Variants in NTAQ1 observed in about 807,000 individuals in gnomAD.
NTAQ1 encodes the protein protein N-terminal glutamine amidohydrolase.
Under a neutral mutation model 28.2 loss-of-function variants are expected in NTAQ1, and 21 were observed. The ratio of observed to expected loss-of-function variants is 0.74; its 90% CI spans 0.53 to 1.07. NTAQ1 has a LOEUF of 1.07. Among genes scored for constraint, NTAQ1 ranks in the 50% least tolerant of loss-of-function variants. The pLI, the probability that NTAQ1 is intolerant of heterozygous loss-of-function variation, is 0.00. For missense variants in NTAQ1, 264 were observed against 256.6 expected, an observed-to-expected ratio of 1.03 and a Z score of -0.20; for synonymous variants, 105 against 90.0, an observed-to-expected ratio of 1.17 and a Z score of -0.94.
rs547988738 is a variant in NTAQ1, at chr8:123,436,539, C to G, written c.321C>G (p.Leu107=). ...DLDTVLPFPC[L]FDTYVEDAFK... ...ATACTGTCTTGCCATTTCCCTGCCT[C>G]TTTGACACTTATGTAGAAGATGCCT... Residue 107 remains leucine, a synonymous_variant, in exon 4 of 6, where the codon CTC becomes CTG. Coordinates refer to ENST00000287387, the MANE Select transcript of NTAQ1 (RefSeq NM_018024.3). The G allele has an allele frequency of 6.2e-7, 1 of 1,614,020 alleles. No individual in the cohort carries two copies. The highest frequency in any genetic ancestry group is 1.3e-5 in the African/African-American group (1 of 75,028).
intron 1 of NTAQ1, among the ~76,000 whole-genome samples, chr8:123,423,215 C>T (rs1456787283): frequency 1.3e-5 from 2 of 148,726 alleles, no homozygotes; most frequent in Non-Finnish European, 3.0e-5. Context: ...TCCCTCCCTC[C>T]CTTCCTTCCT....
chr8:123,467,287 T>C (rs1327060783), exon 7 of NTAQ1: 1 of 152,054 alleles, frequency 6.6e-6, no homozygotes, highest in African/African-American at 2.4e-5. Context: ...CGACCTGCCT[T>C]GGCCTCCTAA....
chr8:123,456,339 G>A (rs1328189451), intron 6 of NTAQ1, among the ~76,000 whole-genome samples: 3 of 152,164 alleles, frequency 2.0e-5, no homozygotes, highest in Non-Finnish European at 4.4e-5. Context: ...AGGCTGGTGT[G>A]CACGATCTTG....
chr8:123,449,859 TTC>T (rs112959997), downstream of NTAQ1, among the ~76,000 whole-genome samples: 324 of 111,230 alleles, frequency 2.9e-3, 1 homozygote, highest in African/African-American at 8.1e-3. Flanking sequence ...GCTCGCTGCT[TTC>T]TCTCTCTCTC....
intron 6 of NTAQ1, among the ~76,000 whole-genome samples, chr8:123,461,590 A>G (rs751364776): frequency 9.9e-5 from 15 of 152,196 alleles, no homozygotes; most frequent in Admixed American, 7.9e-4. Context: ...AGTATCTGCT[A>G]TAATGACACC....
chr8:123,459,691 C>T (rs1202737687), intron 6 of NTAQ1, among the ~76,000 whole-genome samples: 2 of 151,996 alleles, frequency 1.3e-5, no homozygotes, highest in Non-Finnish European at 2.9e-5. Flanking sequence ...GGGCAGAGAC[C>T]CAATAATTCC....
rs1165150294 is a variant in NTAQ1 at position 123,441,423 on chromosome 8, C to T, written c.*8C>T. 1.3e-6 allele frequency: 2 copies of T among 1,596,210 alleles called. No individual in the cohort carries two copies. Among genetic ancestry groups the T allele is most frequent in the African/African-American group, 2.7e-5 (2 of 73,924 alleles). On this transcript the variant is annotated 3_prime_UTR_variant, in exon 6 of 6. Coordinates refer to ENST00000287387, the MANE Select transcript of NTAQ1 (RefSeq NM_018024.3). ...GGCAGTAAAAACTGCTGAACTTGGT[C>T]TCAAGATGTGGAACTGTGGAGAAAT...
chr8:123,471,356 G>C (rs756210797), downstream of NTAQ1, among the ~76,000 whole-genome samples: 1 of 152,170 alleles, frequency 6.6e-6, no homozygotes, highest in Non-Finnish European at 1.5e-5. Flanking sequence ...GTCACATTCT[G>C]TGGTACTGGG....
chr8:123,473,601 A>T (rs79966305), downstream of NTAQ1, among the ~76,000 whole-genome samples: 6,707 of 152,240 alleles, frequency 0.044, 488 homozygotes, highest in African/African-American at 0.15. Context: ...TGTATTTTTG[A>T]ATTTCTACAT....
At chr8:123,433,104 G>A (rs2130264171) in intron 3 of NTAQ1, among the ~76,000 whole-genome samples, 1 of 152,346 alleles carries the variant, frequency 6.6e-6, no homozygotes, top group Non-Finnish European at 1.5e-5. Flanking sequence ...AGCACAATCA[G>A]TCTTTTCCTG....
chr8:123,458,586 G>A (rs915318016), intron 6 of NTAQ1, among the ~76,000 whole-genome samples: 10 of 151,724 alleles, frequency 6.6e-5, no homozygotes, highest in Non-Finnish European at 1.2e-4. Flanking sequence ...AACCTTTTTA[G>A]CAGATGTGTG....
At chr8:123,463,948 A>C (rs1223073955) in intron 6 of NTAQ1, among the ~76,000 whole-genome samples, 2 of 152,106 alleles carry the variant, frequency 1.3e-5, no homozygotes, top group Admixed American at 6.6e-5. Flanking sequence ...TGCTGTTCTC[A>C]TGATAGTGAA....
downstream of NTAQ1, among the ~76,000 whole-genome samples, chr8:123,473,697 GTTTCTAT>G (rs1411295893): frequency 7.9e-5 from 12 of 152,234 alleles, no homozygotes; most frequent in African/African-American, 2.6e-4. Flanking sequence ...GTAATTTTAG[GTTTCTAT>G]TTGGTCTCTT....
At chr8:123,457,321 C>T (rs1344712838) in intron 6 of NTAQ1, among the ~76,000 whole-genome samples, 1 of 151,982 alleles carries the variant, frequency 6.6e-6, no homozygotes, top group African/African-American at 2.4e-5. Flanking sequence ...CCTGCCTCGG[C>T]CTCCCAAAGT....
chr8:123,461,214 C>G (rs1340327939), intron 6 of NTAQ1, among the ~76,000 whole-genome samples: 3 of 152,124 alleles, frequency 2.0e-5, no homozygotes, highest in Non-Finnish European at 4.4e-5. Context: ...GGGTACAACT[C>G]TGGGCTAGAC....
rs1185908262 is a variant in NTAQ1 at position 123,441,764 on chromosome 8, A to G, written c.*349A>G. 4.3e-6 allele frequency: 1 copy of G among 234,034 alleles called. No individual in the cohort carries two copies. The highest frequency in any genetic ancestry group is 8.5e-6 in the Non-Finnish European group (1 of 117,554). 14.5% of individuals were successfully genotyped at this position (234,034 alleles called of 1,614,324 possible). A position where few individuals can be genotyped will look rare whatever the true frequency, so the allele number is the denominator to read the frequency against. On this transcript the variant is annotated 3_prime_UTR_variant, in exon 6 of 6. Coordinates refer to ENST00000287387, the MANE Select transcript of NTAQ1 (RefSeq NM_018024.3). ...TTGGATGTTTTGTGTCTCTCCAGCT[A>G]CATTGTAAGTTCCTTGAGGGCAGGG...
At chr8:123,435,506 C>T in intron 3 of NTAQ1, 1 of 985,446 alleles carries the variant, frequency 1.0e-6, no homozygotes. Context: ...TTTTCCTCTG[C>T]ATTCACATGC....
chr8:123,432,733 G>A (rs1340392272), intron 3 of NTAQ1, among the ~76,000 whole-genome samples: 6 of 150,032 alleles, frequency 4.0e-5, no homozygotes, highest in Non-Finnish European at 7.4e-5. Context: ...AGGCTGGAGT[G>A]CAGTGGTGTG....
intron 4 of NTAQ1, among the ~76,000 whole-genome samples, chr8:123,436,977 G>A (rs1036028104): frequency 3.9e-5 from 6 of 152,070 alleles, no homozygotes; most frequent in South Asian, 2.1e-4. Flanking sequence ...TACACAAATC[G>A]AGTAAATCGA....
Sources: allele counts gnomAD v4.1 joint callset (sites outside exome capture counted in the v4.1 genomes callset), GRCh38; gene constraint gnomAD v4.1.1; transcripts MANE v1.5; gene names NCBI Gene and HGNC (gene_info 2026-07-23, HGNC 2026-07-21).